Variants in GNAO1 observed in about 807,000 individuals in gnomAD.
GNAO1 encodes the protein G protein subunit alpha o1.
For missense variants in GNAO1, 166 were observed against 478.7 expected, an observed-to-expected ratio of 0.35 and a Z score of 6.10; for synonymous variants, 164 against 180.7, an observed-to-expected ratio of 0.91 and a Z score of 0.74.
intron 3 of GNAO1, among the ~76,000 whole-genome samples, chr16:56,304,611 CA>C (rs1176110868): frequency 1.3e-5 from 2 of 152,096 alleles, no homozygotes; most frequent in African/African-American, 2.4e-5. Flanking sequence ...TTAATGTGGG[CA>C]AACTTCACTT....
intron 2 of GNAO1, among the ~76,000 whole-genome samples, chr16:56,253,176 T>G (rs2036815444): frequency 6.6e-6 from 1 of 152,162 alleles, no homozygotes. Flanking sequence ...CAGCTCTGCC[T>G]AAAAGACTCC....
chr16:56,225,049 A>G (rs1202900359), intron 2 of GNAO1, among the ~76,000 whole-genome samples: 3 of 152,188 alleles, frequency 2.0e-5, no homozygotes, highest in East Asian at 3.8e-4. Context: ...CCCCATCTCC[A>G]TGGGAGCCAG....
rs2037459840 is a variant in GNAO1 at position 56,311,635 on chromosome 16, C to T, written c.304-16996C>T. Reference sequence around the variant, plus strand: ...AGCGCGTCCCCTCCCTCCTCCCTCCCTGCTGACATAGCTTGGCAGATGAGT... The same window carrying T: ...AGCGCGTCCCCTCCCTCCTCCCTCCTTGCTGACATAGCTTGGCAGATGAGT... On this transcript the variant is annotated intron_variant, in intron 3 of 8. Coordinates refer to ENST00000262493, the MANE Select transcript of GNAO1 (RefSeq NM_020988.3). The surrounding 1 kb of genome is among the most constrained non-coding windows in gnomAD (Gnocchi z 5.2). 6.6e-6 allele frequency among the ~76,000 whole-genome samples: 1 copy of T among 152,164 alleles called. No homozygotes were observed. Among genetic ancestry groups the T allele is most frequent in the African/African-American group, 2.4e-5 (1 of 41,422 alleles).
chr16:56,341,115 C>G (rs372236827), intron 6 of GNAO1: 1 of 740,612 alleles, frequency 1.4e-6, no homozygotes, highest in South Asian at 1.8e-5. Context: ...AACGGTCCCC[C>G]ACCCTGCCCC....
rs1189216293 is a variant in GNAO1, at chr16:56,311,542, T to C, written c.304-17089T>C. Among the ~76,000 whole-genome samples the C allele has an allele frequency of 3.3e-5, 5 of 152,264 alleles. No homozygotes were observed. Among genetic ancestry groups the C allele is most frequent in the Admixed American group, 2.0e-4 (3 of 15,306 alleles). ...GATCCCAGACCTCAGAGAAAAACTG[T>C]TGGGGTGATGGCGCCTTGGCTGGAG... is the stretch of plus-strand genomic sequence containing the variant. On this transcript the variant is annotated intron_variant, in intron 3 of 8. Transcript: ENST00000262493. This position sits in a 1 kb window ranked among gnomAD's most constrained non-coding sequence, Gnocchi z 5.2.
intron 2 of GNAO1, among the ~76,000 whole-genome samples, chr16:56,241,161 T>C (rs1207836955): frequency 6.6e-6 from 1 of 152,244 alleles, no homozygotes; most frequent in Non-Finnish European, 1.5e-5. Flanking sequence ...GCTCTGACGC[T>C]GCTCCCATGG....
chr16:56,232,978 C>T (rs1489714501), intron 2 of GNAO1, among the ~76,000 whole-genome samples: 16 of 152,182 alleles, frequency 1.1e-4, no homozygotes, highest in African/African-American at 1.7e-4. Context: ...CAAGACAGGC[C>T]GGAAGGACTT....
intron 3 of GNAO1, among the ~76,000 whole-genome samples, chr16:56,310,682 G>A (rs549757219): frequency 3.9e-5 from 6 of 152,282 alleles, no homozygotes; most frequent in African/African-American, 1.4e-4. Flanking sequence ...GTCAAATAGG[G>A]AACAAAAGCC....
chr16:56,346,152 G>A, intron 6 of GNAO1: 4 of 985,532 alleles, frequency 4.1e-6, no homozygotes, highest in Non-Finnish European at 4.8e-6. Context: ...CTAGCCTGGG[G>A]GTGGTCCTTG....
intron 2 of GNAO1, among the ~76,000 whole-genome samples, chr16:56,208,452 C>CGT (rs1567438672): frequency 5.6e-5 from 8 of 144,096 alleles, no homozygotes; most frequent in Non-Finnish European, 9.0e-5. Flanking sequence ...TGTGTGTGCG[C>CGT]GCGCGCGCAC....
chr16:56,289,837 A>G (rs1270816178), intron 3 of GNAO1, among the ~76,000 whole-genome samples: 3 of 152,200 alleles, frequency 2.0e-5, no homozygotes, highest in Non-Finnish European at 4.4e-5. Context: ...CCTGGAACCC[A>G]GAGCAGTGGG....
At chr16:56,345,091 T>C in intron 6 of GNAO1, 1 of 985,446 alleles carries the variant, frequency 1.0e-6, no homozygotes, top group Non-Finnish European at 1.2e-6. Flanking sequence ...GTCCTAGGAC[T>C]CCTTAGAGGA....
In GNAO1 at chr16:56,351,417, T is replaced by C; in HGVS notation, c.757T>C (p.Ser253Pro). ...RMHESLMLFD[S>P]ICNNKFFIDT... ...GCACGAGTCTCTCATGCTCTTCGAC[T>C]CCATCTGTAACAACAAGTTCTTCAT... is the stretch of plus-strand genomic sequence containing the variant. Residue 253 changes from serine (S) to proline (P), a missense_variant, in exon 7 of 9, where the codon TCC becomes CCC. Transcript: ENST00000262493. The surrounding 1 kb of genome is among the most constrained non-coding windows in gnomAD (Gnocchi z 6.1). The C allele has an allele frequency of 6.2e-7, 1 of 1,612,858 alleles. No homozygotes were observed. Among genetic ancestry groups the C allele is most frequent in the Non-Finnish European group, 8.5e-7 (1 of 1,178,830 alleles).
intron 3 of GNAO1, among the ~76,000 whole-genome samples, chr16:56,315,715 C>T (rs556965403): frequency 6.6e-6 from 1 of 152,222 alleles, no homozygotes; most frequent in East Asian, 1.9e-4. Context: ...ACCCCCCTGC[C>T]TCTGGGGGCC....
intron 2 of GNAO1, among the ~76,000 whole-genome samples, chr16:56,245,062 G>T (rs755220270): frequency 9.2e-5 from 14 of 151,992 alleles, no homozygotes; most frequent in Non-Finnish European, 1.9e-4. Context: ...CATGCCTTTA[G>T]AATCAGCCTA....
intron 2 of GNAO1, among the ~76,000 whole-genome samples, chr16:56,239,276 C>A (rs954408738): frequency 7.9e-5 from 12 of 152,336 alleles, no homozygotes; most frequent in African/African-American, 2.6e-4. Context: ...CAAGCTTTGG[C>A]AGCATGAAAA....
chr16:56,312,504 G>A (rs188400348), intron 3 of GNAO1, among the ~76,000 whole-genome samples: 4 of 152,336 alleles, frequency 2.6e-5, no homozygotes, highest in South Asian at 2.1e-4. Context: ...TGGGCTTGCT[G>A]TATCCTTCTG....
chr16:56,234,964 G>T (rs918060075), intron 2 of GNAO1: 1 of 238,540 alleles, frequency 4.2e-6, no homozygotes, highest in Admixed American at 5.1e-5. Flanking sequence ...TTAATGTTCA[G>T]CCACCAGCTG....
intron 3 of GNAO1, among the ~76,000 whole-genome samples, chr16:56,321,056 C>T (rs1288236987): frequency 6.6e-6 from 1 of 152,152 alleles, no homozygotes; most frequent in Non-Finnish European, 1.5e-5. Flanking sequence ...GCACTGTGCA[C>T]GGGGTGTGGT....
Sources: gnomAD v4.1 joint callset for allele counts (sites outside exome capture counted in the v4.1 genomes callset) on GRCh38, gnomAD v4.1.1 for gene constraint, Gnocchi (gnomAD v3.1) non-coding constraint, MANE v1.5 for transcripts, NCBI Gene and HGNC (gene_info 2026-07-23, HGNC 2026-07-21) for gene names.